Variants in ASTN1 observed in about 807,000 individuals in gnomAD.
The protein encoded by ASTN1 is astrotactin 1.
Under a neutral mutation model 140.7 loss-of-function variants are expected in ASTN1, and 41 were observed. That is an observed-to-expected ratio of 0.29 (90% CI 0.23 to 0.38). The LOEUF (loss-of-function observed/expected upper bound fraction) is 0.38, where lower values mean the gene tolerates loss of function less well. Among genes scored for constraint, ASTN1 ranks in the 10% least tolerant of loss-of-function variants. The probability of loss-of-function intolerance (pLI) is 1.00; values close to 1 mark genes in which losing one functional copy is unlikely to be tolerated. For missense variants in ASTN1, 1,479 were observed against 1,678.8 expected (o/e 0.88, Z 2.08); for synonymous variants, 640 against 652.2 (o/e 0.98, Z 0.29).
intron 8 of ASTN1, among the ~76,000 whole-genome samples, chr1:176,982,219 G>A (rs1441622774): frequency 6.6e-6 from 1 of 152,200 alleles, no homozygotes; most frequent in African/African-American, 2.4e-5. Flanking sequence ...ATTGATTCCT[G>A]TGGGAAAGAA....
At chr1:176,949,071 A>T in intron 12 of ASTN1, 114 bp downstream of exon 12, 1 of 1,407,902 alleles carries the variant, frequency 7.1e-7, no homozygotes, top group African/African-American at 1.4e-5. Context: ...TTCCTCAGAG[A>T]CTAAGGGATG....
At chr1:177,054,077 A>G (rs1452271014) in intron 2 of ASTN1, among the ~76,000 whole-genome samples, 1 of 152,206 alleles carries the variant, frequency 6.6e-6, no homozygotes, top group Admixed American at 6.5e-5. Flanking sequence ...TGTGCTCACT[A>G]TGGGTCAGGA....
chr1:176,924,634 T>C (rs1024991699), intron 16 of ASTN1, among the ~76,000 whole-genome samples: 3 of 152,304 alleles, frequency 2.0e-5, no homozygotes, highest in East Asian at 1.9e-4. Flanking sequence ...TGACTAGATA[T>C]AGAAGGTGTT....
chr1:176,979,020 G>C (rs1373993981), intron 8 of ASTN1, among the ~76,000 whole-genome samples: 1 of 152,154 alleles, frequency 6.6e-6, no homozygotes, highest in Admixed American at 6.5e-5. Context: ...CAAAACTGAT[G>C]GGGGTCTGTT....
chr1:177,092,654 T>C (rs1679815034), intron 1 of ASTN1, among the ~76,000 whole-genome samples: 1 of 152,214 alleles, frequency 6.6e-6, no homozygotes, highest in Non-Finnish European at 1.5e-5. Context: ...AGGTGTTTGA[T>C]CCATTTGGGG....
At chr1:177,079,350 G>C (rs1679069306) in intron 1 of ASTN1, among the ~76,000 whole-genome samples, 1 of 152,176 alleles carries the variant, frequency 6.6e-6, no homozygotes, top group Admixed American at 6.6e-5. Flanking sequence ...GAAAGGCCAA[G>C]TGCTGGGACC....
At chr1:176,868,550 T>C (rs1027334282) in intron 22 of ASTN1, among the ~76,000 whole-genome samples, 1 of 152,228 alleles carries the variant, frequency 6.6e-6, no homozygotes, top group Non-Finnish European at 1.5e-5. Flanking sequence ...TTTGACTCTT[T>C]GAGTTTTAGG....
At chr1:177,094,667 T>A (rs555711484) in intron 1 of ASTN1, among the ~76,000 whole-genome samples, 4 of 152,298 alleles carry the variant, frequency 2.6e-5, no homozygotes, top group African/African-American at 9.6e-5. Flanking sequence ...CCGAACAGAC[T>A]AAGACAGAAA....
chr1:176,861,430 C>G lies in ASTN1; in HGVS notation c.*2854G>C. 7 of 985,788 alleles carry G rather than the reference C, an allele frequency of 7.1e-6. No individual in the cohort carries two copies. The highest frequency in any genetic ancestry group is 8.4e-6 in the Non-Finnish European group (7 of 829,932). The allele number at this position is 985,788 out of a possible 1,614,324, so 61.1% of individuals were successfully genotyped here. On this transcript the variant is annotated 3_prime_UTR_variant, in exon 23 of 23. Transcript: ENST00000361833. ...GGGATATAAGCACCTCCCTTAAGAC[C>G]TGTTTGGCAGCTTGAAAACTCAAGG...
chr1:177,002,376 AACAC>A (rs3979529), intron 8 of ASTN1, among the ~76,000 whole-genome samples: 37,738 of 148,506 alleles, frequency 0.25, 5,172 homozygotes, highest in Non-Finnish European at 0.32. Context: ...CTTACACACA[AACAC>A]ACACACACAC....
Position 176,864,382 on chromosome 1 carries a change from G to A in ASTN1, c.3787C>T (p.Leu1263Phe), listed in dbSNP as rs1668063261. The A allele has an allele frequency of 1.2e-6, 2 of 1,614,094 alleles. No homozygotes were observed. Among genetic ancestry groups the A allele is most frequent in the Admixed American group, 1.7e-5 (1 of 60,024 alleles). The part of the protein sequence containing the change: ...CRYSEIKPYG[L>F]DWAELSRDLR... ...TCCCGGCTGAGCTCCGCCCAGTCAAGTCCGTAGGGTTTGATCTCGCTGTAG... is the reference window on the plus strand; with the variant it reads ...TCCCGGCTGAGCTCCGCCCAGTCAAATCCGTAGGGTTTGATCTCGCTGTAG... Residue 1263 changes from leucine to phenylalanine, a missense_variant, in exon 23 of 23, where the codon CTT becomes TTT. Leu to Phe is a conservative substitution (Grantham distance 22, BLOSUM62 0). Around this residue, in one of 3 missense-constraint regions of ASTN1, gnomAD observed 746 missense variants for 800.9 expected, o/e 0.93. Coordinates refer to ENST00000361833, the MANE Select transcript of ASTN1 (RefSeq NM_004319.3).
intron 1 of ASTN1, among the ~76,000 whole-genome samples, chr1:177,138,045 CT>C (rs1411114844): frequency 6.6e-6 from 1 of 152,108 alleles, no homozygotes; most frequent in Non-Finnish European, 1.5e-5. Context: ...AGGGTACTGA[CT>C]TTTCCACCCA....
intron 2 of ASTN1, among the ~76,000 whole-genome samples, chr1:177,045,635 G>C (rs1031526172): frequency 1.3e-5 from 2 of 152,204 alleles, no homozygotes; most frequent in African/African-American, 4.8e-5. Flanking sequence ...TATGTTTTTA[G>C]AGCGTGTGAG....
chr1:176,866,855 C>T (rs988217731), intron 22 of ASTN1, among the ~76,000 whole-genome samples: 3 of 152,140 alleles, frequency 2.0e-5, no homozygotes, highest in Non-Finnish European at 4.4e-5. Context: ...TAGCCATAGA[C>T]CCTTTTCTAC....
In ASTN1 at chr1:176,990,971, A is replaced by T. The variant is rs1360081093; in HGVS notation, c.1523+23820T>A. Among the ~76,000 whole-genome samples, 3 of 152,186 alleles carry T rather than the reference A, an allele frequency of 2.0e-5. No individual in the cohort carries two copies. The East Asian group carries it at 5.8e-4, about 29-fold the overall frequency. Reference sequence around the variant, plus strand: ...TCTCATTTAAGTATGTTTAATCCAAATTATACATTGCATGTTTGTTCTTTT... The same window carrying T: ...TCTCATTTAAGTATGTTTAATCCAATTTATACATTGCATGTTTGTTCTTTT... On this transcript the variant is annotated intron_variant, in intron 8 of 22. Transcript: ENST00000361833.
chr1:176,869,111 CAT>C, intron 21 of ASTN1, 84 bp from the exon 22 acceptor site: 1 of 928,944 alleles, frequency 1.1e-6, no homozygotes. Flanking sequence ...TGATCTATAT[CAT>C]ATAGACATAT....
chr1:177,048,107 G>A (rs988997248), intron 2 of ASTN1, among the ~76,000 whole-genome samples: 3 of 152,132 alleles, frequency 2.0e-5, no homozygotes, highest in Admixed American at 6.5e-5. Context: ...AGGTGAAAAC[G>A]AACTTCAGAA....
chr1:177,110,282 G>A (rs992483356), intron 1 of ASTN1, among the ~76,000 whole-genome samples: 7 of 152,160 alleles, frequency 4.6e-5, no homozygotes, highest in Non-Finnish European at 1.0e-4. Context: ...AAGTTATAAA[G>A]ATCAAACAAG....
intron 8 of ASTN1, among the ~76,000 whole-genome samples, chr1:177,003,833 A>G (rs563516074): frequency 2.3e-4 from 35 of 151,904 alleles, no homozygotes; most frequent in Non-Finnish European, 4.4e-4. Context: ...AGAAAGAAAG[A>G]AAAGAAAAGA....
Sources: gnomAD v4.1 joint callset for allele counts (sites outside exome capture counted in the v4.1 genomes callset) on GRCh38, gnomAD v4.1.1 for gene constraint, gnomAD v4.1.1 regional missense constraint, MANE v1.5 for transcripts, NCBI Gene and HGNC (gene_info 2026-07-23, HGNC 2026-07-21) for gene names.